The following SDK1 variants were observed in gnomAD, a reference collection of about 807,000 sequenced individuals.
The protein encoded by SDK1 is protein sidekick-1.
In SDK1, 157 loss-of-function variants were observed where a neutral mutation model predicts 245.5. The observed-to-expected ratio is 0.64, with a 90% CI of 0.56 to 0.73. SDK1 has a LOEUF of 0.73. Ranked by LOEUF, SDK1 falls within the 30% of genes least tolerant of loss-of-function variation. SDK1 has a pLI of 0.00. For missense variants in SDK1, 3,583 were observed against 3,002.3 expected (o/e 1.19, Z -4.52); for synonymous variants, 1,647 against 1,278.5 (o/e 1.29, Z -6.15).
chr7:3,971,795 A>G (rs139660821), intron 12 of SDK1, among the ~76,000 whole-genome samples: 12 of 152,286 alleles, frequency 7.9e-5, no homozygotes, highest in Middle Eastern at 3.4e-3. Flanking sequence ...CATGACGTTA[A>G]TGCTGCTTTT....
chr7:3,985,002 G>A (rs1463633616), intron 13 of SDK1, among the ~76,000 whole-genome samples: 7 of 152,160 alleles, frequency 4.6e-5, no homozygotes, highest in Admixed American at 2.0e-4. Flanking sequence ...TGAATCACTG[G>A]CTGCATGGTT....
intron 35 of SDK1, among the ~76,000 whole-genome samples, chr7:4,195,907 C>A (rs1043941295): frequency 5.9e-5 from 9 of 152,170 alleles, no homozygotes; most frequent in African/African-American, 2.2e-4. Flanking sequence ...CCCCAAAATC[C>A]ATGACAGAAA....
chr7:3,491,575 C>T (rs1413748479), intron 1 of SDK1, among the ~76,000 whole-genome samples: 4 of 152,290 alleles, frequency 2.6e-5, no homozygotes, highest in Non-Finnish European at 4.4e-5. Flanking sequence ...TAGAAATTAC[C>T]TATTTTGCCT....
intron 22 of SDK1, among the ~76,000 whole-genome samples, chr7:4,089,326 CAGAACCCCTGGGGCAG>C (rs778900411): frequency 2.0e-5 from 3 of 152,246 alleles, no homozygotes; most frequent in Non-Finnish European, 4.4e-5. Context: ...CTCAGTTCAT[CAGAACCCCTGGGGCAG>C]AGGCTGCAGC....
At chr7:3,602,270 T>G (rs1781277608) in intron 1 of SDK1, among the ~76,000 whole-genome samples, 1 of 151,316 alleles carries the variant, frequency 6.6e-6, no homozygotes, top group Admixed American at 6.6e-5. Flanking sequence ...TCCACAATGG[T>G]TGAACTAGTT....
intron 22 of SDK1, among the ~76,000 whole-genome samples, chr7:4,103,146 G>A (rs1419455344): frequency 5.9e-5 from 9 of 151,768 alleles, no homozygotes; most frequent in Admixed American, 3.9e-4. Context: ...GACTACAGGC[G>A]CCCGCCACCA....
At chr7:4,145,484 G>A (rs1008527442) in intron 28 of SDK1, among the ~76,000 whole-genome samples, 2 of 152,146 alleles carry the variant, frequency 1.3e-5, no homozygotes, top group African/African-American at 2.4e-5. Flanking sequence ...ATGAACCCGT[G>A]TTCACACCTT....
At chr7:4,141,863 T>C (rs1436930454) in intron 28 of SDK1, among the ~76,000 whole-genome samples, 1 of 152,106 alleles carries the variant, frequency 6.6e-6, no homozygotes, top group Non-Finnish European at 1.5e-5. Context: ...TTCAAGTGAT[T>C]CTCCTGCCTC....
At chr7:4,086,218 G>T (rs376184246) in intron 22 of SDK1, among the ~76,000 whole-genome samples, 1 of 152,108 alleles carries the variant, frequency 6.6e-6, no homozygotes, top group African/African-American at 2.4e-5. Context: ...AGGTCTGCCC[G>T]GTGTGCATGA....
intron 2 of SDK1, among the ~76,000 whole-genome samples, chr7:3,627,821 T>C (rs1457527087): frequency 1.3e-5 from 2 of 152,202 alleles, no homozygotes; most frequent in African/African-American, 2.4e-5. Flanking sequence ...GGATGCTCTC[T>C]AGTGATATAA....
At chr7:3,766,437 C>T (rs73306106) in intron 4 of SDK1, among the ~76,000 whole-genome samples, 2,137 of 152,226 alleles carry the variant, frequency 0.014, 35 homozygotes, top group African/African-American at 0.037. Context: ...TAATCCAGCT[C>T]CCCTACACCA....
In SDK1 at chr7:3,505,827, C is replaced by G. The variant is rs563290425; in HGVS notation, c.299-113253C>G. Reference sequence around the variant, plus strand: ...GGGACAACTGCAGGACTTGAGTATGCTTGGATTTAGTAGCCATGGGAGGTC... The same window carrying G: ...GGGACAACTGCAGGACTTGAGTATGGTTGGATTTAGTAGCCATGGGAGGTC... On this transcript the variant is annotated intron_variant, in intron 1 of 44. Coordinates refer to ENST00000404826, the MANE Select transcript of SDK1 (RefSeq NM_152744.4). Among the ~76,000 whole-genome samples the G allele has an allele frequency of 6.6e-5, 10 of 152,240 alleles. No individual in the cohort carries two copies. In the South Asian group the frequency reaches 1.5e-3, roughly 22 times the overall value.
chr7:4,172,334 A>C (rs1250142630), intron 32 of SDK1, among the ~76,000 whole-genome samples: 2 of 152,158 alleles, frequency 1.3e-5, no homozygotes, highest in African/African-American at 2.4e-5. Flanking sequence ...TGCGTGTCGC[A>C]TGCTGCATGC....
intron 4 of SDK1, among the ~76,000 whole-genome samples, chr7:3,794,803 G>A (rs1040386014): frequency 6.6e-5 from 10 of 152,080 alleles, no homozygotes; most frequent in African/African-American, 1.9e-4. Flanking sequence ...CATGCTCTAC[G>A]TGGACATCAT....
chr7:4,065,694 GTTTTTTTTTT>G (rs749991713), intron 19 of SDK1, among the ~76,000 whole-genome samples: 6 of 66,720 alleles, frequency 9.0e-5, no homozygotes, highest in South Asian at 7.4e-4. Context: ...AGTGGTTGTT[GTTTTTTTTTT>G]TTTTTTTTTT....
intron 1 of SDK1, among the ~76,000 whole-genome samples, chr7:3,407,947 A>G (rs1220325218): frequency 1.3e-5 from 2 of 152,188 alleles, no homozygotes; most frequent in African/African-American, 2.4e-5. Flanking sequence ...TGAGAAGGGT[A>G]TAAGCAGGGG....
In SDK1 at chr7:4,048,292, G is replaced by T. The variant is rs117255058; in HGVS notation, c.2603-1056G>T. ...CCTTCCACCCAGTGGAAGCCTTGAT[G>T]GTGCAGCCGGAGGCTTGGCTCCTCT... On this transcript the variant is annotated intron_variant, in intron 17 of 44. Transcript: ENST00000404826. 2.0e-3 allele frequency among the ~76,000 whole-genome samples: 300 copies of T among 152,250 alleles called. 5 individuals carry two copies. In the South Asian group the frequency reaches 0.03, roughly 15 times the overall value.
intron 1 of SDK1, among the ~76,000 whole-genome samples, chr7:3,403,610 A>C (rs1043295297): frequency 1.3e-5 from 2 of 151,538 alleles, no homozygotes; most frequent in African/African-American, 4.8e-5. Context: ...AGTAAAGAGT[A>C]AAGAGAGCAC....
At chr7:3,857,080 A>G (rs73312005) in intron 5 of SDK1, among the ~76,000 whole-genome samples, 2,752 of 152,304 alleles carry the variant, frequency 0.018, 77 homozygotes, top group African/African-American at 0.056. Context: ...ATCAACTCCT[A>G]TTAACTGAAA....
Sources: allele counts gnomAD v4.1 joint callset (sites outside exome capture counted in the v4.1 genomes callset), GRCh38; gene constraint gnomAD v4.1.1; transcripts MANE v1.5; gene names NCBI Gene and HGNC (gene_info 2026-07-23, HGNC 2026-07-21).